Variants in DSE observed in about 807,000 individuals in gnomAD.
DSE encodes the protein dermatan sulfate epimerase, also known as dermatan-sulfate epimerase.
Under a neutral mutation model 84.4 loss-of-function variants are expected in DSE, and 36 were observed. That is an observed-to-expected ratio of 0.43 (90% confidence interval 0.33 to 0.56). The LOEUF (loss-of-function observed/expected upper bound fraction) is 0.56, where lower values mean the gene tolerates loss of function less well. Ranked by LOEUF, DSE falls within the 20% of genes least tolerant of loss-of-function variation. The probability of loss-of-function intolerance (pLI) is 0.06; values close to 1 mark genes in which losing one functional copy is unlikely to be tolerated. For synonymous variants in DSE, 410 were observed against 430.1 expected (o/e 0.95, Z 0.58); for missense variants, 862 against 1,169.6 (o/e 0.74, Z 3.84).
chr6:116,399,804 T>A, intron 2 of DSE, 138 bp downstream of exon 2: 1 of 821,072 alleles, frequency 1.2e-6, no homozygotes, highest in South Asian at 1.9e-5. Context: ...GTTATTTGTG[T>A]TGCCAGTCTT....
At chr6:116,307,191 G>C (rs1448658241) in intron 2 of DSE, among the ~76,000 whole-genome samples, 1 of 152,196 alleles carries the variant, frequency 6.6e-6, no homozygotes, top group East Asian at 1.9e-4. Flanking sequence ...GACCCATGGA[G>C]ACCTTAAGTC....
In DSE at chr6:116,374,673, G is replaced by C. The variant is rs573746282; in HGVS notation, c.-54+3552G>C. Among the ~76,000 whole-genome samples the C allele has an allele frequency of 3.3e-3, 498 of 152,264 alleles. 4 individuals are homozygous for C. Among genetic ancestry groups the C allele is most frequent in the African/African-American group, 0.011 (463 of 41,542 alleles). ...TCTGGGGAGGGCTTTCTTGCCGGTG[G>C]GGACTCTACAGAGCTCCGAGGTGAT... On this transcript the variant is annotated intron_variant, in intron 1 of 5. Coordinates refer to ENST00000644252, the MANE Select transcript of DSE (RefSeq NM_013352.4).
chr6:116,266,330 G>A (rs1172904291), intron 2 of DSE, among the ~76,000 whole-genome samples: 4 of 152,154 alleles, frequency 2.6e-5, no homozygotes, highest in Non-Finnish European at 5.9e-5. Context: ...AGAGCCATTT[G>A]AGGAAGGAAA....
intron 2 of DSE, among the ~76,000 whole-genome samples, chr6:116,347,035 A>G (rs1307849095): frequency 6.6e-6 from 1 of 152,222 alleles, no homozygotes; most frequent in East Asian, 1.9e-4. Context: ...TTCAAAGAGA[A>G]TAAAATACCT....
intron 2 of DSE, among the ~76,000 whole-genome samples, chr6:116,423,569 C>T (rs1783233570): frequency 6.6e-6 from 1 of 152,178 alleles, no homozygotes; most frequent in African/African-American, 2.4e-5. Flanking sequence ...AAGCACAATT[C>T]ATAAATTAAT....
chr6:116,276,055 G>T (rs1773127127), intron 2 of DSE, among the ~76,000 whole-genome samples: 2 of 152,108 alleles, frequency 1.3e-5, no homozygotes. Flanking sequence ...TCACTGTAAT[G>T]AATAATTATG....
chr6:116,358,040 AG>A (rs1353402849), intron 2 of DSE, among the ~76,000 whole-genome samples: 1 of 152,248 alleles, frequency 6.6e-6, no homozygotes, highest in Admixed American at 6.5e-5. Flanking sequence ...TTCTTAGAAC[AG>A]GTCACAGAAA....
chr6:116,262,538 G>A (rs2474106), intron 2 of DSE, among the ~76,000 whole-genome samples: 3,328 of 151,688 alleles, frequency 0.022, 133 homozygotes, highest in African/African-American at 0.077. Context: ...CTAATGGTCT[G>A]TTTTATTAAT....
At chr6:116,340,538 G>T (rs184982175) in intron 2 of DSE, among the ~76,000 whole-genome samples, 19 of 151,884 alleles carry the variant, frequency 1.3e-4, no homozygotes, top group Non-Finnish European at 2.6e-4. Context: ...TGAGCACAAC[G>T]TGTAGGTTTG....
At chr6:116,303,513 G>A (rs1306744397) in intron 2 of DSE, among the ~76,000 whole-genome samples, 2 of 152,014 alleles carry the variant, frequency 1.3e-5, no homozygotes, top group East Asian at 1.9e-4. Context: ...GTAGATGATC[G>A]GTATATATAT....
chr6:116,308,029 T>G (rs533638552), intron 2 of DSE, among the ~76,000 whole-genome samples: 4 of 152,350 alleles, frequency 2.6e-5, no homozygotes, highest in African/African-American at 9.6e-5. Context: ...CAGTGACAAT[T>G]TATGGTAACT....
chr6:116,375,506 A>T, intron 1 of DSE: 3 of 984,708 alleles, frequency 3.0e-6, no homozygotes, highest in Non-Finnish European at 3.6e-6. Flanking sequence ...CCTGCCTCAA[A>T]GTCTTTTTTA....
chr6:116,355,712 T>C (rs1418981412), intron 2 of DSE: 1 of 152,190 alleles, frequency 6.6e-6, no homozygotes, highest in Non-Finnish European at 1.5e-5. Flanking sequence ...CCTAGGAAGA[T>C]TGTGAGCAAC....
chr6:116,269,447 G>A (rs967256392), intron 2 of DSE, among the ~76,000 whole-genome samples: 1 of 152,150 alleles, frequency 6.6e-6, no homozygotes, highest in African/African-American at 2.4e-5. Flanking sequence ...AACTGTAATT[G>A]TATAAAAGTT....
At chr6:116,315,570 T>C (rs896579626) in intron 2 of DSE, among the ~76,000 whole-genome samples, 4 of 152,134 alleles carry the variant, frequency 2.6e-5, no homozygotes, top group Admixed American at 1.3e-4. Context: ...GAGTTGGGAA[T>C]TGGTCCCAGG....
chr6:116,345,944 T>C (rs1031813682), intron 2 of DSE, among the ~76,000 whole-genome samples: 16 of 151,862 alleles, frequency 1.1e-4, no homozygotes, highest in East Asian at 1.9e-4. Flanking sequence ...GATATCACCA[T>C]CGATCCCACA....
At chr6:116,344,458 G>C (rs1777820999) in intron 2 of DSE, among the ~76,000 whole-genome samples, 1 of 152,216 alleles carries the variant, frequency 6.6e-6, no homozygotes, top group African/African-American at 2.4e-5. Context: ...CTACAAGCCA[G>C]AAGACAGTGG....
At chr6:116,279,868 T>G (rs1773400865) in intron 2 of DSE, 1 of 1,612,782 alleles carries the variant, frequency 6.2e-7, no homozygotes, top group African/African-American at 1.3e-5. Flanking sequence ...CGAACGCCCG[T>G]TTTCCTCAGA....
intron 2 of DSE, chr6:116,280,091 T>G: frequency 1.8e-6 from 1 of 568,692 alleles, no homozygotes; most frequent in Non-Finnish European, 3.2e-6. Context: ...CCTACGTAAA[T>G]AAATGTCGAT....
Sources: allele counts gnomAD v4.1 joint callset (sites outside exome capture counted in the v4.1 genomes callset), GRCh38; gene constraint gnomAD v4.1.1; transcripts MANE v1.5; gene names NCBI Gene and HGNC (gene_info 2026-07-23, HGNC 2026-07-21).